The following ME2 variants were observed in gnomAD, a reference collection of about 807,000 sequenced individuals.
ME2 encodes the protein NAD-dependent malic enzyme, mitochondrial.
A neutral mutation model predicts 73.7 loss-of-function variants in ME2; 60 were observed. That is an observed-to-expected ratio of 0.81 (90% CI 0.66 to 1.01). The LOEUF (loss-of-function observed/expected upper bound fraction) is 1.01. ME2 is among the 50% of genes least tolerant of loss of function. The pLI is 0.00. For missense variants in ME2, 594 were observed against 705.5 expected (o/e 0.84, Z 1.79); for synonymous variants, 199 against 236.9 (o/e 0.84, Z 1.47).
At chr18:50,900,911 C>T (rs770045412) in intron 2 of ME2, among the ~76,000 whole-genome samples, 2 of 152,168 alleles carry the variant, frequency 1.3e-5, no homozygotes, top group Non-Finnish European at 2.9e-5. Context: ...GTCAGTTAAA[C>T]CTCTTTTCTT....
chr18:50,939,672 A>C (rs1479018411), intron 14 of ME2, 32 bp downstream of exon 14: 4 of 1,426,070 alleles, frequency 2.8e-6, no homozygotes, highest in Non-Finnish European at 3.0e-6. Flanking sequence ...TATTTTATAA[A>C]GGATGAATTA....
chr18:50,928,652 A>AT (rs1198798189), intron 12 of ME2, among the ~76,000 whole-genome samples: 2 of 152,188 alleles, frequency 1.3e-5, no homozygotes, highest in Non-Finnish European at 2.9e-5. Context: ...TTTCAAGTAG[A>AT]TCGCCATAAT....
At chr18:50,914,392 T>G (rs530006011) in intron 4 of ME2, among the ~76,000 whole-genome samples, 1 of 152,222 alleles carries the variant, frequency 6.6e-6, no homozygotes, top group Non-Finnish European at 1.5e-5. Flanking sequence ...ATTCAGTTAG[T>G]CTAGACTTAG....
rs1025362759 is a variant in ME2, at chr18:50,916,250, A to G, written c.468+7A>G. 10 of 1,595,468 alleles carry G rather than the reference A, an allele frequency of 6.3e-6. No homozygotes were observed. In the Admixed American group the frequency reaches 1.3e-4, roughly 22 times the overall value. On this transcript the variant is annotated splice_region_variant and intron_variant, in intron 5 of 15. Coordinates refer to ENST00000321341, the MANE Select transcript of ME2 (RefSeq NM_002396.5). ...GCCAGAAAATCATGTTAAGGTACTA[A>G]TAGCACAACCCTCCTTTTCACAATG...
intron 12 of ME2, 137 bp from the exon 13 acceptor site, chr18:50,932,121 T>C (rs1283544062): frequency 6.7e-6 from 4 of 595,342 alleles, no homozygotes; most frequent in Non-Finnish European, 1.2e-5. Context: ...GAAAAGATTG[T>C]TATATAGTAT....
chr18:50,918,617 T>C (rs1917344771), intron 7 of ME2, among the ~76,000 whole-genome samples: 1 of 152,184 alleles, frequency 6.6e-6, no homozygotes, highest in African/African-American at 2.4e-5. Context: ...CAACTCAGGT[T>C]TTCCCACTTC....
chr18:50,908,304 GT>G, intron 3 of ME2, 108 bp downstream of exon 3: 2 of 734,756 alleles, frequency 2.7e-6, no homozygotes, highest in Non-Finnish European at 4.2e-6. Context: ...ATAAGTTTGT[GT>G]TTTGTCAGTT....
Position 50,910,458 on chromosome 18 carries a change from GAA to G in ME2, c.242+2266_242+2267del, listed in dbSNP as rs1168014624. 4.5e-3 allele frequency among the ~76,000 whole-genome samples: 648 copies of G among 145,094 alleles called. 10 individuals carry two copies. In the East Asian group the frequency reaches 0.066, roughly 15 times the overall value. Reference sequence around the variant, plus strand: ...TGTCTCAGAAAAAAAAAAAAAAAAAGAAAAAGGCTAAACAAGAGCAGGTTAAA... The same window carrying G: ...TGTCTCAGAAAAAAAAAAAAAAAAAGAAAGGCTAAACAAGAGCAGGTTAAA... On this transcript the variant is annotated intron_variant, in intron 3 of 15. Coordinates refer to ENST00000321341, the MANE Select transcript of ME2 (RefSeq NM_002396.5).
At chr18:50,924,789 C>A (rs529623509) in intron 11 of ME2, among the ~76,000 whole-genome samples, 1 of 151,464 alleles carries the variant, frequency 6.6e-6, no homozygotes, top group South Asian at 2.1e-4. Context: ...TCAAGCAATT[C>A]TCTTGCCCCA....
At chr18:50,880,409 C>T (rs1296800479) in intron 1 of ME2, among the ~76,000 whole-genome samples, 1 of 152,192 alleles carries the variant, frequency 6.6e-6, no homozygotes, top group East Asian at 1.9e-4. Context: ...TGTTGTTAAG[C>T]TAATTGCGAT....
intron 1 of ME2, among the ~76,000 whole-genome samples, chr18:50,879,660 C>T (rs1264603845): frequency 6.6e-6 from 1 of 152,252 alleles, no homozygotes; most frequent in African/African-American, 2.4e-5. Context: ...GCTCTTTCTG[C>T]ACCCCTCCAC....
intron 15 of ME2, among the ~76,000 whole-genome samples, chr18:50,946,066 C>CAAAT (rs1352963276): frequency 3.3e-5 from 5 of 151,822 alleles, no homozygotes; most frequent in South Asian, 4.2e-4. Context: ...GGCTTCATCT[C>CAAAT]AAATAAATAA....
intron 1 of ME2, among the ~76,000 whole-genome samples, chr18:50,880,627 A>G (rs1036087502): frequency 2.6e-5 from 4 of 152,200 alleles, no homozygotes; most frequent in African/African-American, 9.6e-5. Context: ...CGTATTGGCC[A>G]GGCTGGTCTC....
intron 1 of ME2, among the ~76,000 whole-genome samples, chr18:50,882,824 C>T (rs910002923): frequency 1.3e-5 from 2 of 152,132 alleles, no homozygotes; most frequent in Non-Finnish European, 2.9e-5. Context: ...TAGCACACAC[C>T]TATAATCCCA....
At chr18:50,886,487 G>A (rs1035035614) in intron 1 of ME2, among the ~76,000 whole-genome samples, 3 of 151,850 alleles carry the variant, frequency 2.0e-5, no homozygotes, top group Non-Finnish European at 2.9e-5. Flanking sequence ...CAAGTGATCC[G>A]CTCACCTCAG....
chr18:50,880,247 C>T (rs1450214015), intron 1 of ME2, among the ~76,000 whole-genome samples: 1 of 152,110 alleles, frequency 6.6e-6, no homozygotes, highest in African/African-American at 2.4e-5. Flanking sequence ...CTTTACAAAC[C>T]AGGAAACTAA....
Position 50,950,058 on chromosome 18 carries a change from C to T in ME2, c.*2874C>T, listed in dbSNP as rs942032973. The T allele has an allele frequency of 9.9e-5, 15 of 152,228 alleles. No individual in the cohort carries two copies. The East Asian group carries it at 2.9e-3, about 29-fold the overall frequency. 9.4% of individuals were successfully genotyped at this position (152,228 alleles called of 1,614,324 possible). ...TTTTATTTTGAATTGAGAAGAAATTCTGATGATTAGAGTGTCAGTAAGTAG... is the reference window on the plus strand; with the variant it reads ...TTTTATTTTGAATTGAGAAGAAATTTTGATGATTAGAGTGTCAGTAAGTAG... On this transcript the variant is annotated 3_prime_UTR_variant, in exon 16 of 16. Coordinates refer to ENST00000321341, the MANE Select transcript of ME2 (RefSeq NM_002396.5).
At chr18:50,939,821 A>T (rs551890473) in intron 14 of ME2, 181 bp downstream of exon 14, 1 of 543,016 alleles carries the variant, frequency 1.8e-6, no homozygotes, top group South Asian at 2.4e-5. Context: ...TCATGACTTA[A>T]ATTTTTGTAA....
At chr18:50,885,925 A>G (rs1916452015) in intron 1 of ME2, among the ~76,000 whole-genome samples, 1 of 152,158 alleles carries the variant, frequency 6.6e-6, no homozygotes. Context: ...AAATCTTGCT[A>G]TTTAAAGAAG....
Sources: allele counts gnomAD v4.1 joint callset (sites outside exome capture counted in the v4.1 genomes callset), GRCh38; gene constraint gnomAD v4.1.1; transcripts MANE v1.5; gene names NCBI Gene and HGNC (gene_info 2026-07-23, HGNC 2026-07-21).